Variants in IL18BP observed in about 807,000 individuals in gnomAD.
The protein encoded by IL18BP is interleukin-18-binding protein.
Under a neutral mutation model 19.9 loss-of-function variants are expected in IL18BP, and 23 were observed. That is an observed-to-expected ratio of 1.15 (90% CI 0.83 to 1.64). IL18BP has a LOEUF of 1.64. Ranked by LOEUF, IL18BP falls within the 40% of genes most tolerant of loss-of-function variation. IL18BP has a pLI of 0.00. For synonymous variants in IL18BP, 107 were observed against 101.0 expected (o/e 1.06, Z -0.35); for missense variants, 239 against 240.7 (o/e 0.99, Z 0.05).
chr11:72,005,423 C>T (rs1051631420), downstream of IL18BP: 55 of 1,566,314 alleles, frequency 3.5e-5, no homozygotes, highest in Middle Eastern at 5.1e-4. Flanking sequence ...CAGGTCACCT[C>T]CTGGCCCTGG....
At chr11:72,005,702 G>T (rs921164933), downstream of IL18BP, 32 of 497,122 alleles carry the variant, frequency 6.4e-5, no homozygotes, top group Non-Finnish European at 1.0e-4. Context: ...GTGCCCAAAG[G>T]ACAAGAGCTT....
chr11:72,001,223 T>C lies in IL18BP; in HGVS notation c.258T>C (p.Cys86=). 1 of 1,614,202 alleles carries C rather than the reference T, an allele frequency of 6.2e-7. No homozygotes were observed. Among genetic ancestry groups the C allele is most frequent in the Non-Finnish European group, 8.5e-7 (1 of 1,180,032 alleles). Residue 86 remains cysteine (C), a synonymous_variant, in exon 4 of 6, where the codon TGT becomes TGC. Coordinates refer to ENST00000393703, the MANE Select transcript of IL18BP (RefSeq NM_001039660.2). ...VPLNGTLSLS[C]VACSRFPNFS... ...TAGATGGAACGCTGAGCTTATCCTG[T>C]GTGGCCTGCAGCCGCTTCCCCAACT...
At chr11:72,004,781 C>A, downstream of IL18BP, 1 of 1,596,324 alleles carries the variant, frequency 6.3e-7, no homozygotes. Flanking sequence ...CAGTTTTCAT[C>A]TCCTCATCTG....
downstream of IL18BP, chr11:72,006,181 C>T (rs750396147): frequency 8.7e-6 from 14 of 1,614,116 alleles, no homozygotes; most frequent in Non-Finnish European, 1.1e-5. Flanking sequence ...GGAGGTGGCT[C>T]GCAGGCTAGC....
At chr11:72,003,989 G>T (rs780526297), downstream of IL18BP, 8 of 1,613,246 alleles carry the variant, frequency 5.0e-6, no homozygotes, top group Middle Eastern at 8.2e-4. Flanking sequence ...TGCGAGTGTT[G>T]GGGGAAGCCT....
chr11:72,004,149 C>G (rs1333654116), downstream of IL18BP: 3 of 1,608,616 alleles, frequency 1.9e-6, no homozygotes, highest in Non-Finnish European at 2.5e-6. Context: ...CCTTCCCAGG[C>G]CAGCGTGCTG....
chr11:71,999,384 C>T (rs1178519734), intron 1 of IL18BP: 2 of 285,156 alleles, frequency 7.0e-6, no homozygotes, highest in South Asian at 3.0e-5. Flanking sequence ...AGAGACTCAT[C>T]TAGTTCATAC....
chr11:72,006,046 C>G (rs1590859024), downstream of IL18BP: 4 of 1,612,178 alleles, frequency 2.5e-6, no homozygotes, highest in African/African-American at 2.7e-5. Flanking sequence ...TGGAGGGGCC[C>G]CACTGGACAC....
intron 1 of IL18BP, 79 bp downstream of exon 1, chr11:71,999,098 T>A: frequency 2.0e-6 from 1 of 505,286 alleles, no homozygotes; most frequent in South Asian, 1.4e-5. Context: ...GAGGGTGTGA[T>A]GGTGGGTGCT....
chr11:72,000,339 T>G lies in IL18BP; in HGVS notation c.29-12T>G. The G allele has an allele frequency of 6.2e-7, 1 of 1,612,402 alleles. No homozygotes were observed. The highest frequency in any genetic ancestry group is 8.5e-7 in the Non-Finnish European group (1 of 1,179,226). On this transcript the variant is annotated splice_polypyrimidine_tract_variant and intron_variant, in intron 2 of 5. Transcript: ENST00000393703. ...CTCCAGAGCCGCTGACCTGTAACTG[T>G]CCTTTCCTCAGACCTCAGCCCTTTG...
chr11:72,000,676 C>A, intron 3 of IL18BP, 119 bp downstream of exon 3: 1 of 795,004 alleles, frequency 1.3e-6, no homozygotes, highest in Non-Finnish European at 2.1e-6. Context: ...CTGGGCTGAG[C>A]ACGCACCATT....
chr11:72,005,145 A>C, downstream of IL18BP: 1 of 1,370,428 alleles, frequency 7.3e-7, no homozygotes, highest in Non-Finnish European at 9.8e-7. Context: ...TCAGTGATCC[A>C]GGGCCCTAGT....
At chr11:72,004,341 A>G, downstream of IL18BP, 4 of 1,611,156 alleles carry the variant, frequency 2.5e-6, no homozygotes, top group South Asian at 4.4e-5. Context: ...GCCTTCTTAG[A>G]CTATGGAGAA....
At position 72,001,998 on chromosome 11, in the gene IL18BP, C is replaced by A; in HGVS notation, c.*137C>A. On this transcript the variant is annotated 3_prime_UTR_variant, in exon 6 of 6. Transcript: ENST00000393703. ...ACCCCCTCCTTCTCTGCTTTGGGTC[C>A]CTTCTCTCACCAAATTCAAACTCCA... The A allele has an allele frequency of 7.8e-7, 1 of 1,284,840 alleles. No homozygotes were observed. Among genetic ancestry groups the A allele is most frequent in the Non-Finnish European group, 1.1e-6 (1 of 934,786 alleles). The allele number at this position is 1,284,840 out of a possible 1,614,324, so 79.6% of individuals were successfully genotyped here. A position where few individuals can be genotyped will look rare whatever the true frequency, so the allele number is the denominator to read the frequency against.
At chr11:71,999,122 G>A (rs373502945) in intron 1 of IL18BP, 103 bp downstream of exon 1, 7 of 515,682 alleles carry the variant, frequency 1.4e-5, no homozygotes, top group South Asian at 5.6e-5. Context: ...AGATGTAGCC[G>A]ACCTTGGGGC....
At chr11:72,005,015 T>C (rs1317328224), downstream of IL18BP, among the ~76,000 whole-genome samples, 1 of 152,104 alleles carries the variant, frequency 6.6e-6, no homozygotes, top group Non-Finnish European at 1.5e-5. Flanking sequence ...AGCAGTGCAG[T>C]CCTGACCAGA....
downstream of IL18BP, chr11:72,006,201 A>G (rs558403632): frequency 1.9e-6 from 3 of 1,614,162 alleles, no homozygotes; most frequent in Non-Finnish European, 2.5e-6. Flanking sequence ...CCTGGGAAGC[A>G]GGAGCAGACC....
chr11:72,008,048 CTATGCCCCAG>C (rs975888820), downstream of IL18BP: 4 of 464,396 alleles, frequency 8.6e-6, no homozygotes, highest in Non-Finnish European at 1.3e-5. Flanking sequence ...GACTGCCCCT[CTATGCCCCAG>C]ATTCATCTGT....
At chr11:72,004,340 G>C (rs902261303), downstream of IL18BP, 5 of 1,611,466 alleles carry the variant, frequency 3.1e-6, no homozygotes, top group Admixed American at 5.1e-5. Context: ...GGCCTTCTTA[G>C]ACTATGGAGA....
Sources: gnomAD v4.1 joint callset for allele counts (sites outside exome capture counted in the v4.1 genomes callset) on GRCh38, gnomAD v4.1.1 for gene constraint, MANE v1.5 for transcripts, NCBI Gene and HGNC (gene_info 2026-07-23, HGNC 2026-07-21) for gene names.